The following FDFT1 variants were observed in gnomAD, a reference collection of about 807,000 sequenced individuals.
FDFT1 encodes squalene synthase.
Under a neutral mutation model 46.8 loss-of-function variants are expected in FDFT1, and 68 were observed. The observed-to-expected ratio is 1.45, with a 90% confidence interval of 1.19 to 1.78. The LOEUF (loss-of-function observed/expected upper bound fraction) is 1.78. FDFT1 is among the 40% of genes most tolerant of loss of function. FDFT1 has a pLI of 0.00. For missense variants in FDFT1, 928 were observed against 524.4 expected, an observed-to-expected ratio of 1.77 and a Z score of -7.52; for synonymous variants, 351 against 185.1, an observed-to-expected ratio of 1.90 and a Z score of -7.28.
At chr8:11,819,578 C>G (rs1209818478) in intron 3 of FDFT1, among the ~76,000 whole-genome samples, 2 of 152,072 alleles carry the variant, frequency 1.3e-5, no homozygotes, top group Non-Finnish European at 1.5e-5. Flanking sequence ...TGTCTTCTTG[C>G]TTTATTTCAT....
At chr8:11,814,142 A>G (rs1219651650) in intron 3 of FDFT1, among the ~76,000 whole-genome samples, 1 of 152,220 alleles carries the variant, frequency 6.6e-6, no homozygotes, top group Non-Finnish European at 1.5e-5. Context: ...TGGAATGAGC[A>G]GAGTCCAACG....
At chr8:11,819,441 G>A (rs1808917380) in intron 3 of FDFT1, among the ~76,000 whole-genome samples, 1 of 152,014 alleles carries the variant, frequency 6.6e-6, no homozygotes, top group African/African-American at 2.4e-5. Context: ...ACTGAAGAGT[G>A]TTTTGTAACT....
chr8:11,804,567 C>T (rs1236306212), intron 1 of FDFT1, among the ~76,000 whole-genome samples: 1 of 147,090 alleles, frequency 6.8e-6, no homozygotes, highest in Non-Finnish European at 1.5e-5. Flanking sequence ...TGGAAAAATA[C>T]ATTTCCCTTC....
At chr8:11,830,533 C>G in intron 6 of FDFT1, 113 bp downstream of exon 6, 2 of 761,602 alleles carry the variant, frequency 2.6e-6, no homozygotes, top group Middle Eastern at 3.9e-4. Flanking sequence ...AAGACGATGA[C>G]TCCAGTTTAT....
chr8:11,796,395 A>G (rs55650299), intron 1 of FDFT1, among the ~76,000 whole-genome samples: 8,235 of 152,296 alleles, frequency 0.054, 316 homozygotes, highest in Middle Eastern at 0.082. Context: ...GATTATTAGA[A>G]TACAGAAAGT....
In FDFT1 at chr8:11,809,808, G is replaced by C. The variant is rs1002449473; in HGVS notation, c.339G>C (p.Glu113Asp). The C allele has an allele frequency of 1.9e-6, 3 of 1,614,026 alleles. No individual in the cohort carries two copies. In the African/African-American group the frequency reaches 4.0e-5, roughly 22 times the overall value. ...ACCAACCAGACTGGCGGTTCATGGA[G>C]AGCAAGGAGAAGGATCGCCAGGTGC... is the stretch of plus-strand genomic sequence containing the variant. The part of the protein sequence containing the change: ...FLYQPDWRFM[E>D]SKEKDRQVLE... The change falls in exon 3 of 8, where the codon GAG (glutamate) becomes GAC (aspartate). Residue 113 changes from glutamate to aspartate, a missense_variant. By Grantham distance (45) the Glu-to-Asp change is conservative. Coordinates refer to ENST00000220584, the MANE Select transcript of FDFT1 (RefSeq NM_004462.5).
At chr8:11,800,702 T>C (rs890021514), upstream of FDFT1, among the ~76,000 whole-genome samples, 10 of 152,254 alleles carry the variant, frequency 6.6e-5, no homozygotes, top group Admixed American at 3.3e-4. Flanking sequence ...CATTGATTTC[T>C]TTATCATAGC....
At chr8:11,797,638 C>CAAAAAAAAAAAAAAA (rs34350077), upstream of FDFT1, among the ~76,000 whole-genome samples, 4 of 75,516 alleles carry the variant, frequency 5.3e-5, no homozygotes, top group East Asian at 4.6e-4. Context: ...CACACACACT[C>CAAAAAAAAAAAAAAA]AAAAAAAAAA....
chr8:11,826,005 T>C lies in FDFT1; in HGVS notation c.511-19T>C. Reference sequence around the variant, plus strand: ...TAAAAATTCCATTATTAAAGTGCTTTAAAAATCGTCTCTTACAGTACTGCC... The same window carrying C: ...TAAAAATTCCATTATTAAAGTGCTTCAAAAATCGTCTCTTACAGTACTGCC... On this transcript the variant is annotated intron_variant, in intron 4 of 7. Coordinates refer to ENST00000220584, the MANE Select transcript of FDFT1 (RefSeq NM_004462.5). The C allele has an allele frequency of 6.6e-7, 1 of 1,504,300 alleles. No individual in the cohort carries two copies. The highest frequency in any genetic ancestry group is 9.0e-7 in the Non-Finnish European group (1 of 1,112,828). The allele number at this position is 1,504,300 out of a possible 1,614,324, so 93.2% of individuals were successfully genotyped here. A position where few individuals can be genotyped will look rare whatever the true frequency, so the allele number is the denominator to read the frequency against.
chr8:11,802,759 G>A lies in FDFT1; in HGVS notation c.-74G>A. On this transcript the variant is annotated 5_prime_UTR_variant, in exon 1 of 8. Coordinates refer to ENST00000220584, the MANE Select transcript of FDFT1 (RefSeq NM_004462.5). ...GCCCCTCGAAGCACCTACTCCACAG[G>A]TCCAGCCGGCCGGTGAGCGCCTGGG... 1 of 1,212,874 alleles carries A rather than the reference G, an allele frequency of 8.2e-7. No individual in the cohort carries two copies. The highest frequency in any genetic ancestry group is 1.2e-6 in the Non-Finnish European group (1 of 837,482). 75.1% of individuals were successfully genotyped at this position (1,212,874 alleles called of 1,614,324 possible).
chr8:11,808,744 A>ACTCCCACTCCCACTCCTG, intron 1 of FDFT1, 50 bp from the exon 2 acceptor site: 1 of 1,316,190 alleles, frequency 7.6e-7, no homozygotes, highest in Non-Finnish European at 1.0e-6. Context: ...TCCCACTCCC[A>ACTCCCACTCCCACTCCTG]CTCCTGCTCC....
chr8:11,815,951 G>C (rs1281337647), intron 3 of FDFT1, among the ~76,000 whole-genome samples: 1 of 152,172 alleles, frequency 6.6e-6, no homozygotes, highest in Non-Finnish European at 1.5e-5. Context: ...CCATGCCTAT[G>C]TCCTGAATGG....
At chr8:11,806,084 C>T (rs553127401) in intron 1 of FDFT1, among the ~76,000 whole-genome samples, 2 of 152,298 alleles carry the variant, frequency 1.3e-5, no homozygotes, top group Middle Eastern at 3.4e-3. Flanking sequence ...CCGTGGAGGG[C>T]TGGTAGCTGG....
At chr8:11,828,408 C>T (rs1016731028) in intron 5 of FDFT1, among the ~76,000 whole-genome samples, 7 of 152,206 alleles carry the variant, frequency 4.6e-5, no homozygotes, top group Admixed American at 2.6e-4. Flanking sequence ...TCTTGTCTTA[C>T]CCCTCTTTTG....
intron 7 of FDFT1, among the ~76,000 whole-genome samples, chr8:11,833,932 A>G (rs964299626): frequency 6.6e-6 from 1 of 152,268 alleles, no homozygotes; most frequent in Non-Finnish European, 1.5e-5. Flanking sequence ...CTAAGTCTTA[A>G]GCAGTAGAAC....
intron 4 of FDFT1, among the ~76,000 whole-genome samples, chr8:11,825,734 TC>T (rs1458351219): frequency 1.3e-5 from 2 of 152,104 alleles, no homozygotes; most frequent in Non-Finnish European, 2.9e-5. Context: ...CTAGTTTTTT[TC>T]AGTAGCCTTT....
At chr8:11,834,138 G>C (rs1284092718) in intron 7 of FDFT1, among the ~76,000 whole-genome samples, 2 of 152,200 alleles carry the variant, frequency 1.3e-5, no homozygotes, top group African/African-American at 4.8e-5. Context: ...CCGATCTCTG[G>C]ACTTAGTGTT....
At chr8:11,821,933 C>T in intron 4 of FDFT1, 55 bp downstream of exon 4, 4 of 1,585,760 alleles carry the variant, frequency 2.5e-6, no homozygotes, top group Admixed American at 1.7e-5. Context: ...GCTGGCAGTC[C>T]TCATAGTGAA....
chr8:11,802,506 C>G (rs550004894), upstream of FDFT1: 5 of 506,618 alleles, frequency 9.9e-6, no homozygotes, highest in East Asian at 5.3e-5. Context: ...CAATCCCGCT[C>G]GTCGGCCTCT....
Sources: allele counts gnomAD v4.1 joint callset (sites outside exome capture counted in the v4.1 genomes callset), GRCh38; gene constraint gnomAD v4.1.1; transcripts MANE v1.5; gene names NCBI Gene and HGNC (gene_info 2026-07-23, HGNC 2026-07-21).